Variants in TRPV3 observed in about 807,000 individuals in gnomAD.
TRPV3 encodes VRL-3.
TRPV3 carries 88 observed loss-of-function variants against 87.1 expected under a neutral mutation model. The ratio of observed to expected loss-of-function variants is 1.01; its 90% CI spans 0.85 to 1.21. TRPV3 has a LOEUF of 1.21. TRPV3 is among the 50% of genes most tolerant of loss of function. TRPV3 has a pLI of 0.00. For synonymous variants in TRPV3, 438 were observed against 423.3 expected, an observed-to-expected ratio of 1.03 and a Z score of -0.43; for missense variants, 1,054 against 1,030.1, an observed-to-expected ratio of 1.02 and a Z score of -0.32.
At chr17:3,516,676 C>T (rs2074186278) in intron 15 of TRPV3, 107 bp from the exon 16 acceptor site, 1 of 784,866 alleles carries the variant, frequency 1.3e-6, no homozygotes, top group Admixed American at 2.0e-5. Context: ...ATGCTTAATG[C>T]ATAGATCGCA....
intron 2 of TRPV3, among the ~76,000 whole-genome samples, chr17:3,551,362 G>A (rs536525460): frequency 3.3e-5 from 5 of 152,334 alleles, no homozygotes; most frequent in South Asian, 2.1e-4. Context: ...CCCACCCAGC[G>A]TCATAAGCAC....
intron 12 of TRPV3, among the ~76,000 whole-genome samples, chr17:3,526,573 G>T (rs1416186616): frequency 6.6e-6 from 1 of 152,054 alleles, no homozygotes; most frequent in East Asian, 1.9e-4. Flanking sequence ...CTCTGTGATG[G>T]GTAGAGTTGG....
chr17:3,527,502 C>A (rs2074310149), intron 11 of TRPV3, among the ~76,000 whole-genome samples: 1 of 152,180 alleles, frequency 6.6e-6, no homozygotes, highest in Non-Finnish European at 1.5e-5. Context: ...TCAAAGAGGG[C>A]AAACTCGTCC....
intron 2 of TRPV3, among the ~76,000 whole-genome samples, chr17:3,549,764 GGATA>G (rs1169000872): frequency 4.0e-5 from 6 of 151,274 alleles, no homozygotes; most frequent in South Asian, 2.1e-4. Flanking sequence ...ATGGATGGAT[GGATA>G]GATGATGCGT....
chr17:3,517,636 A>C (rs2074195003), intron 15 of TRPV3, among the ~76,000 whole-genome samples: 1 of 150,840 alleles, frequency 6.6e-6, no homozygotes, highest in Admixed American at 6.6e-5. Flanking sequence ...AAAAAAAAAA[A>C]AAAAAGGAGG....
At chr17:3,514,476 TCCATTCAACCCTC>T in intron 17 of TRPV3, 104 bp downstream of exon 17, 1 of 727,070 alleles carries the variant, frequency 1.4e-6, no homozygotes, top group East Asian at 2.6e-5. Flanking sequence ...AAGAAGCATT[TCCATTCAACCCTC>T]CCATTTGACA....
chr17:3,512,806 C>G lies in TRPV3; in HGVS notation c.*1111G>C, dbSNP rs1443868171. 1 of 151,964 alleles carries G rather than the reference C, an allele frequency of 6.6e-6. No homozygotes were observed. Among genetic ancestry groups the G allele is most frequent in the Non-Finnish European group, 1.5e-5 (1 of 68,008 alleles). The allele number at this position is 151,964 out of a possible 1,614,324, so 9.4% of individuals were successfully genotyped here. The stretch of plus-strand genomic sequence containing the variant: ...GCTTCCCCTTCAGCTTCAAAATTCA[C>G]AGTTAAAATTAAAAAAAAAATACTT... On this transcript the variant is annotated 3_prime_UTR_variant, in exon 18 of 18. Transcript: ENST00000576742.
intron 3 of TRPV3, 91 bp from the exon 4 acceptor site, chr17:3,544,756 G>A: frequency 1.1e-6 from 1 of 897,224 alleles, no homozygotes; most frequent in Non-Finnish European, 1.7e-6. Flanking sequence ...CAGCACTTTG[G>A]GAGGCCGAGG....
At chr17:3,525,288 G>A (rs192864697) in intron 12 of TRPV3, among the ~76,000 whole-genome samples, 1,630 of 152,328 alleles carry the variant, frequency 0.011, 19 homozygotes, top group Middle Eastern at 0.034. Flanking sequence ...CCAAAGTGCT[G>A]GGATTACAGG....
Position 3,514,635 on chromosome 17 carries a change from C to G in TRPV3, c.2236G>C (p.Val746Leu). 9 of 1,614,038 alleles carry G rather than the reference C, an allele frequency of 5.6e-6. No individual in the cohort carries two copies. The highest frequency in any genetic ancestry group is 7.6e-6 in the Non-Finnish European group (9 of 1,179,902). Residue 746 changes from valine to leucine, a missense_variant, in exon 17 of 18, where the codon GTC becomes CTC. Physicochemically the swap from Val to Leu is conservative, Grantham distance 32. Coordinates refer to ENST00000576742, the MANE Select transcript of TRPV3 (RefSeq NM_145068.4). ...CCCGGGTCTTCGTTAAGGAAGGAGACGTGCGTCTTCCATTCAGTCCACTTC... is the reference window on the plus strand; with the variant it reads ...CCCGGGTCTTCGTTAAGGAAGGAGAGGTGCGTCTTCCATTCAGTCCACTTC... ...EVKWTEWKTH[V>L]SFLNEDPGPV...
In TRPV3 at chr17:3,543,536, A is replaced by G; in HGVS notation, c.404T>C (p.Leu135Ser). 5 of 1,613,906 alleles carry G rather than the reference A, an allele frequency of 3.1e-6. No individual in the cohort carries two copies. The highest frequency in any genetic ancestry group is 4.2e-6 in the Non-Finnish European group (5 of 1,179,992). ...CTGCAGCTCCACCAGCAACTCTACC[A>G]ACTCCTCCACGCAGCCCTCAGACAC... ...AAVSEGCVEE[L>S]VELLVELQEL... The change falls in exon 5 of 18, where the codon TTG becomes TCG. Residue 135 changes from leucine to serine, a missense_variant. Transcript: ENST00000576742.
chr17:3,532,911 A>G lies in TRPV3; in HGVS notation c.811T>C (p.Cys271Arg), dbSNP rs549693392. Residue 271 changes from cysteine (C) to arginine (R), a missense_variant, in exon 8 of 18, where the codon TGC (cysteine) becomes CGC (arginine). Physicochemically the swap from Cys to Arg is radical, Grantham distance 180. Coordinates refer to ENST00000576742, the MANE Select transcript of TRPV3 (RefSeq NM_145068.4). ...TGCACAATCTCGGGCTGGTTGGTGC[A>G]TGCTGCCAGGGCCAGGGGCGTCTCA... ...FGETPLALAACTNQPEIVQLL... is the reference protein window; with the variant it reads ...FGETPLALAARTNQPEIVQLL... The G allele has an allele frequency of 7.4e-6, 12 of 1,614,138 alleles. No homozygotes were observed. The South Asian group carries it at 1.3e-4, about 18-fold the overall frequency.
Position 3,535,602 on chromosome 17 carries a change from G to A in TRPV3, c.755C>T (p.Pro252Leu), listed in dbSNP as rs773715567. 1.2e-6 allele frequency: 2 copies of A among 1,609,556 alleles called. No individual in the cohort carries two copies. The highest frequency in any genetic ancestry group is 1.3e-5 in the African/African-American group (1 of 74,468). ...NAHAKGAFFN[P>L]KYQHEGFYFG... is the part of the protein sequence containing the mutation. ...GTAGAAGCCTTCGTGTTGGTACTTG[G>A]GGTTGAAGAAGGCCCCCTTGGCGTG... Residue 252 changes from proline (P) to leucine (L), a missense_variant, in exon 7 of 18, where the codon CCC becomes CTC. Coordinates refer to ENST00000576742, the MANE Select transcript of TRPV3 (RefSeq NM_145068.4).
intron 2 of TRPV3, chr17:3,553,360 G>A (rs1391410531): frequency 1.3e-5 from 2 of 152,522 alleles, no homozygotes; most frequent in African/African-American, 4.8e-5. Flanking sequence ...ATCTCACCAT[G>A]CCCTCCCTCC....
chr17:3,547,572 G>C (rs2074538291), intron 2 of TRPV3, among the ~76,000 whole-genome samples: 1 of 152,202 alleles, frequency 6.6e-6, no homozygotes, highest in Non-Finnish European at 1.5e-5. Flanking sequence ...AGTGAGCCAA[G>C]ATCGCACCAT....
At position 3,530,026 on chromosome 17, in the gene TRPV3, C is replaced by A; in HGVS notation, c.1242+1G>T. ...CTTCCCCGCCTGTGCAGGAGACCCA[C>A]GTCGATGTTGGTGTTGTAGACAGTG... On this transcript the variant is annotated splice_donor_variant, in intron 9 of 17. Coordinates refer to ENST00000576742, the MANE Select transcript of TRPV3 (RefSeq NM_145068.4). LOFTEE classifies it high-confidence loss of function. This position sits in a 1 kb window ranked among gnomAD's most constrained non-coding sequence, Gnocchi z 4.0. 1 of 1,610,938 alleles carries A rather than the reference C, an allele frequency of 6.2e-7. No homozygotes were observed. Among genetic ancestry groups the A allele is most frequent in the Non-Finnish European group, 8.5e-7 (1 of 1,178,180 alleles).
Position 3,518,475 on chromosome 17 carries a change from A to C in TRPV3, c.2085+101T>G. The C allele has an allele frequency of 7.4e-7, 1 of 1,359,882 alleles. No individual in the cohort carries two copies. The highest frequency in any genetic ancestry group is 9.8e-7 in the Non-Finnish European group (1 of 1,017,526). 84.2% of individuals were successfully genotyped at this position (1,359,882 alleles called of 1,614,324 possible). On this transcript the variant is annotated intron_variant, in intron 15 of 17. Transcript: ENST00000576742. The surrounding 1 kb of genome is among the most constrained non-coding windows in gnomAD (Gnocchi z 4.3). ...CACTGAGGAGCTTGTGCAGATTCTC[A>C]GGCCCCACCTCAGACCCACTGGTGC...
In TRPV3 at chr17:3,520,884, T is replaced by A. The variant is rs370896142; in HGVS notation, c.1810+89A>T. On this transcript the variant is annotated intron_variant, in intron 14 of 17. Transcript: ENST00000576742. ...GCCCCACTGGTAGTTGGTCTAATTGTTGCCAAGGCCGCCATGCACTTTGCC... is the reference window on the plus strand; with the variant it reads ...GCCCCACTGGTAGTTGGTCTAATTGATGCCAAGGCCGCCATGCACTTTGCC... 568 of 798,418 alleles carry A rather than the reference T, an allele frequency of 7.1e-4. 12 individuals carry two copies. The South Asian group carries it at 9.2e-3, about 13-fold the overall frequency. The allele number at this position is 798,418 out of a possible 1,614,324, so 49.5% of individuals were successfully genotyped here. A position where few individuals can be genotyped will look rare whatever the true frequency, so the allele number is the denominator to read the frequency against.
rs996454637 is a variant in TRPV3, at chr17:3,524,956, A to G, written c.1578-593T>C. Among the ~76,000 whole-genome samples the G allele has an allele frequency of 3.3e-5, 5 of 152,218 alleles. No individual in the cohort carries two copies. In the East Asian group the frequency reaches 9.6e-4, roughly 29 times the overall value. ...AAAATGACAAAAACTGCCAATATCT[A>G]TACTTAAAAGCCAATCATAGCAAAA... On this transcript the variant is annotated intron_variant, in intron 12 of 17. Transcript: ENST00000576742.
Sources: gnomAD v4.1 joint callset for allele counts (sites outside exome capture counted in the v4.1 genomes callset) on GRCh38, gnomAD v4.1.1 for gene constraint, Gnocchi (gnomAD v3.1) non-coding constraint, MANE v1.5 for transcripts, NCBI Gene and HGNC (gene_info 2026-07-23, HGNC 2026-07-21) for gene names.